The following DUSP16 variants were observed in gnomAD, a reference collection of about 807,000 sequenced individuals.
DUSP16 encodes the protein dual specificity phosphatase 16.
Under a neutral mutation model 58.3 loss-of-function variants are expected in DUSP16, and 21 were observed. That is an observed-to-expected ratio of 0.36 (90% CI 0.26 to 0.52). DUSP16 has a LOEUF of 0.52. Ranked by LOEUF, DUSP16 falls within the 20% of genes least tolerant of loss-of-function variation. The pLI, the probability that DUSP16 is intolerant of heterozygous loss-of-function variation, is 0.94. For synonymous variants in DUSP16, 320 were observed against 323.8 expected (o/e 0.99, Z 0.12); for missense variants, 726 against 819.0 (o/e 0.89, Z 1.39).
intron 4 of DUSP16, chr12:12,491,458 T>G (rs1393391996): frequency 6.6e-6 from 1 of 152,238 alleles, no homozygotes; most frequent in East Asian, 1.9e-4. Flanking sequence ...TACGTATCAA[T>G]GACTTCTTAC....
intron 4 of DUSP16, among the ~76,000 whole-genome samples, chr12:12,495,001 T>C (rs1005990256): frequency 6.6e-6 from 1 of 152,126 alleles, no homozygotes; most frequent in African/African-American, 2.4e-5. Flanking sequence ...GCCCAGCGCA[T>C]TACCACTCAT....
In DUSP16 at chr12:12,560,147, T is replaced by C. The variant is rs74674457; in HGVS notation, c.-366+1970A>G. On this transcript the variant is annotated intron_variant, in intron 1 of 6. Transcript: ENST00000298573. ...GCAGTTCTGTTCCTAGCCCCCTCCA[T>C]AATCATGCACTATGATCATTTGGCA... 3.8e-3 allele frequency among the ~76,000 whole-genome samples: 573 copies of C among 152,248 alleles called. 5 individuals are homozygous for C. Among genetic ancestry groups the C allele is most frequent in the African/African-American group, 0.013 (533 of 41,532 alleles).
chr12:12,500,867 C>T (rs112693196), intron 3 of DUSP16, among the ~76,000 whole-genome samples, 185 bp from the exon 4 acceptor site: 5 of 152,308 alleles, frequency 3.3e-5, no homozygotes, highest in East Asian at 1.9e-4. Flanking sequence ...TGGCCTATAA[C>T]GCTACCATGG....
intron 1 of DUSP16, among the ~76,000 whole-genome samples, chr12:12,540,949 CTTTTTTTTTTT>C (rs1191975095): frequency 1.6e-4 from 7 of 43,808 alleles, no homozygotes; most frequent in South Asian, 7.9e-4. Context: ...CTTTTCTTTT[CTTTTTTTTTTT>C]TTTTTTTTTT....
rs888317376 is a variant in DUSP16 at position 12,476,825 on chromosome 12, C to T, written c.*8G>A. 2 of 1,568,996 alleles carry T rather than the reference C, an allele frequency of 1.3e-6. No individual in the cohort carries two copies. The highest frequency in any genetic ancestry group is 1.7e-6 in the Non-Finnish European group (2 of 1,164,186). The stretch of plus-strand genomic sequence containing the variant: ...AATTGTCTATAGAAGTCACAAGTGT[C>T]TTTCTTCTCAGGAGACCTCAATGAT... On this transcript the variant is annotated 3_prime_UTR_variant, in exon 7 of 7. Coordinates refer to ENST00000298573, the MANE Select transcript of DUSP16 (RefSeq NM_030640.3).
intron 1 of DUSP16, among the ~76,000 whole-genome samples, chr12:12,552,182 G>A (rs1331004629): frequency 6.6e-6 from 1 of 152,070 alleles, no homozygotes; most frequent in Non-Finnish European, 1.5e-5. Context: ...AGCGGTGGCT[G>A]CGCCTGTAAT....
intron 1 of DUSP16, among the ~76,000 whole-genome samples, chr12:12,532,514 A>T (rs1053019056): frequency 2.0e-5 from 3 of 152,240 alleles, no homozygotes; most frequent in Admixed American, 2.0e-4. Context: ...CGTAATTGTC[A>T]TACTCTTTTC....
chr12:12,473,600 T>C lies in DUSP16; in HGVS notation c.*3233A>G, dbSNP rs961499554. 3.3e-5 allele frequency among the ~76,000 whole-genome samples: 5 copies of C among 152,212 alleles called. No individual in the cohort carries two copies. The highest frequency in any genetic ancestry group is 1.2e-4 in the African/African-American group (5 of 41,464). On this transcript the variant is annotated 3_prime_UTR_variant, in exon 7 of 7. Coordinates refer to ENST00000298573, the MANE Select transcript of DUSP16 (RefSeq NM_030640.3). Reference sequence around the variant, plus strand: ...GCCCAATCTTTCTTATAAATTTTCTTAAATGTAACTTCAACTCAACCAACT... The same window carrying C: ...GCCCAATCTTTCTTATAAATTTTCTCAAATGTAACTTCAACTCAACCAACT...
chr12:12,499,605 T>C (rs1422820611), intron 4 of DUSP16, among the ~76,000 whole-genome samples: 1 of 152,188 alleles, frequency 6.6e-6, no homozygotes, highest in Non-Finnish European at 1.5e-5. Context: ...TGGAAGCTTA[T>C]TTTTACAATC....
chr12:12,546,417 A>C (rs947972694), intron 1 of DUSP16, among the ~76,000 whole-genome samples: 3 of 152,242 alleles, frequency 2.0e-5, no homozygotes, highest in African/African-American at 7.2e-5. Flanking sequence ...TGTATAACCA[A>C]AGTTAAGAAT....
At chr12:12,551,189 C>T (rs1944720783) in intron 1 of DUSP16, among the ~76,000 whole-genome samples, 1 of 151,506 alleles carries the variant, frequency 6.6e-6, no homozygotes, top group South Asian at 2.1e-4. Flanking sequence ...ATAAAGTGAA[C>T]CTGTCACTTT....
rs940062556 is a variant in DUSP16, at chr12:12,473,363, C to T, written c.*3470G>A. ...CCTGCTGAGGCTGGTCATGAAGGGG[C>T]TCCGAGCACTGTCAGCAACTGGCCT... is the stretch of plus-strand genomic sequence containing the variant. On this transcript the variant is annotated 3_prime_UTR_variant, in exon 7 of 7. Coordinates refer to ENST00000298573, the MANE Select transcript of DUSP16 (RefSeq NM_030640.3). Among the ~76,000 whole-genome samples the T allele has an allele frequency of 6.6e-6, 1 of 152,186 alleles. No individual in the cohort carries two copies. The highest frequency in any genetic ancestry group is 1.9e-4 in the East Asian group (1 of 5,178).
In DUSP16 at chr12:12,475,105, GAAACATGAAGTCACATCCT is replaced by G. The variant is rs1256084429; in HGVS notation, c.*1709_*1727del. On this transcript the variant is annotated 3_prime_UTR_variant, in exon 7 of 7. Coordinates refer to ENST00000298573, the MANE Select transcript of DUSP16 (RefSeq NM_030640.3). ...GTGCTGGTTTTAGAAGTCACCATAG[GAAACATGAAGTCACATCCT>G]GGTCAAAAAACTGTCCATTTCTCAA... 16 of 152,236 alleles carry G rather than the reference GAAACATGAAGTCACATCCT, an allele frequency of 1.1e-4. No individual in the cohort carries two copies. Among genetic ancestry groups the G allele is most frequent in the African/African-American group, 3.6e-4 (15 of 41,520 alleles). 9.4% of individuals were successfully genotyped at this position (152,236 alleles called of 1,614,324 possible).
intron 4 of DUSP16, among the ~76,000 whole-genome samples, chr12:12,495,515 T>TCC (rs1476299043): frequency 1.3e-5 from 2 of 152,240 alleles, no homozygotes; most frequent in Non-Finnish European, 2.9e-5. Context: ...ACTTTCTCTC[T>TCC]CCTAACCCTG....
intron 4 of DUSP16, among the ~76,000 whole-genome samples, chr12:12,490,392 G>C (rs899663292): frequency 6.6e-6 from 1 of 151,066 alleles, no homozygotes; most frequent in African/African-American, 2.4e-5. Context: ...AGTACAATTT[G>C]TAAAAACAAA....
intron 1 of DUSP16, among the ~76,000 whole-genome samples, chr12:12,538,905 C>T (rs1448981125): frequency 2.6e-5 from 4 of 152,290 alleles, no homozygotes; most frequent in Admixed American, 6.5e-5. Flanking sequence ...CTAACATTTG[C>T]TAAAAAGGGA....
chr12:12,484,170 T>G (rs1435313791), intron 5 of DUSP16, among the ~76,000 whole-genome samples: 3 of 151,850 alleles, frequency 2.0e-5, no homozygotes, highest in Non-Finnish European at 4.4e-5. Flanking sequence ...GACTTAGCAA[T>G]TGTAGTGAAT....
In DUSP16 at chr12:12,534,776, A is replaced by T. The variant is rs529426061; in HGVS notation, c.-365-13313T>A. Among the ~76,000 whole-genome samples, 11 of 152,346 alleles carry T rather than the reference A, an allele frequency of 7.2e-5. No homozygotes were observed. In the South Asian group the frequency reaches 2.1e-3, roughly 29 times the overall value. ...CACCCGTGAATTCAGGTATTTTATCATCTATCAGCCTTTAAAATCTTTGAT... is the reference window on the plus strand; with the variant it reads ...CACCCGTGAATTCAGGTATTTTATCTTCTATCAGCCTTTAAAATCTTTGAT... On this transcript the variant is annotated intron_variant, in intron 1 of 6. Coordinates refer to ENST00000298573, the MANE Select transcript of DUSP16 (RefSeq NM_030640.3).
At chr12:12,521,721 T>C (rs990011067) in intron 1 of DUSP16, among the ~76,000 whole-genome samples, 1 of 152,302 alleles carries the variant, frequency 6.6e-6, no homozygotes. Flanking sequence ...TGAATTATAA[T>C]CACCTAGGGC....
Sources: allele counts gnomAD v4.1 joint callset (sites outside exome capture counted in the v4.1 genomes callset), GRCh38; gene constraint gnomAD v4.1.1; transcripts MANE v1.5; gene names NCBI Gene and HGNC (gene_info 2026-07-23, HGNC 2026-07-21).